WDPCP: variants seen among roughly 807,000 people sequenced by gnomAD.
WDPCP encodes WD repeat containing planar cell polarity effector, also known as WD repeat-containing and planar cell polarity effector protein fritz homolog.
Under a neutral mutation model 93.1 loss-of-function variants are expected in WDPCP, and 71 were observed. That is an observed-to-expected ratio of 0.76 (90% CI 0.63 to 0.93). The LOEUF is 0.93. WDPCP is among the 40% of genes least tolerant of loss of function. WDPCP has a pLI of 0.00. For synonymous variants in WDPCP, 315 were observed against 315.0 expected, an observed-to-expected ratio of 1.00 and a Z score of 0.00; for missense variants, 844 against 887.4, an observed-to-expected ratio of 0.95 and a Z score of 0.62.
intron 2 of WDPCP, among the ~76,000 whole-genome samples, chr2:63,758,595 C>A (rs1419034115): frequency 6.6e-6 from 1 of 152,050 alleles, no homozygotes; most frequent in Admixed American, 6.6e-5. Flanking sequence ...CATGCCACCA[C>A]GGCTGGCTAA....
intron 14 of WDPCP, among the ~76,000 whole-genome samples, chr2:63,243,468 A>G (rs539527586): frequency 6.6e-6 from 1 of 152,050 alleles, no homozygotes; most frequent in Admixed American, 6.6e-5. Flanking sequence ...CCCATTTTGT[A>G]GATTGCCTGT....
intron 1 of WDPCP, chr2:63,571,642 T>G (rs1189071882): frequency 2.1e-6 from 1 of 470,910 alleles, no homozygotes; most frequent in Non-Finnish European, 4.4e-6. Flanking sequence ...AAAGGATTAG[T>G]TCAATATGAC....
chr2:63,164,579 C>G (rs1672836579), intron 15 of WDPCP, among the ~76,000 whole-genome samples: 1 of 152,128 alleles, frequency 6.6e-6, no homozygotes, highest in Non-Finnish European at 1.5e-5. Context: ...AGAAACTGAG[C>G]AGATGCTAGC....
chr2:63,669,928 G>A (rs151167256), intron 2 of WDPCP, among the ~76,000 whole-genome samples: 4 of 152,116 alleles, frequency 2.6e-5, no homozygotes, highest in African/African-American at 9.6e-5. Context: ...GTGAACTCAG[G>A]GAAGTTTTTT....
intron 2 of WDPCP, among the ~76,000 whole-genome samples, chr2:63,691,107 C>A (rs1310738474): frequency 2.6e-5 from 4 of 152,164 alleles, no homozygotes; most frequent in Non-Finnish European, 5.9e-5. Context: ...TTGCTCTCAA[C>A]TAAATCTCAC....
At chr2:63,444,151 TG>T (rs1697686657) in intron 6 of WDPCP, among the ~76,000 whole-genome samples, 3 of 152,156 alleles carry the variant, frequency 2.0e-5, no homozygotes, top group Non-Finnish European at 2.9e-5. Context: ...GTCTGAGCTC[TG>T]GGACATTCTG....
intron 14 of WDPCP, among the ~76,000 whole-genome samples, chr2:63,224,538 T>C (rs1678115526): frequency 6.6e-6 from 1 of 151,922 alleles, no homozygotes; most frequent in South Asian, 2.1e-4. Context: ...ATTTAGATAA[T>C]GGAGTATTAT....
At chr2:63,125,975 C>G (rs1323832163) in intron 17 of WDPCP, among the ~76,000 whole-genome samples, 2 of 150,196 alleles carry the variant, frequency 1.3e-5, no homozygotes, top group Non-Finnish European at 3.0e-5. Flanking sequence ...CACTCTGTCA[C>G]CCAGGCTGGA....
chr2:63,622,637 C>T, intron 3 of WDPCP: 1 of 1,613,858 alleles, frequency 6.2e-7, no homozygotes, highest in Middle Eastern at 1.7e-4. Context: ...GTTGCTTGGC[C>T]CAGCGTGGCA....
intron 1 of WDPCP, among the ~76,000 whole-genome samples, chr2:63,581,247 G>A (rs147415046): frequency 3.6e-4 from 55 of 152,170 alleles, no homozygotes; most frequent in Admixed American, 2.1e-3. Flanking sequence ...GGAGTAGCCC[G>A]GCAAACTTGA....
chr2:63,453,050 A>T (rs1698368292), intron 6 of WDPCP, among the ~76,000 whole-genome samples: 1 of 152,246 alleles, frequency 6.6e-6, no homozygotes, highest in Non-Finnish European at 1.5e-5. Context: ...CTTCATGTCT[A>T]AAACGCCAAA....
intron 2 of WDPCP, among the ~76,000 whole-genome samples, chr2:63,798,877 G>A (rs952031990): frequency 1.3e-5 from 2 of 152,016 alleles, no homozygotes; most frequent in African/African-American, 2.4e-5. Flanking sequence ...TAAAGGAATG[G>A]AACAATATAT....
At chr2:63,749,132 T>G (rs929764790) in intron 2 of WDPCP, among the ~76,000 whole-genome samples, 26 of 152,106 alleles carry the variant, frequency 1.7e-4, no homozygotes, top group Non-Finnish European at 2.9e-5. Context: ...TTCCAGGTCA[T>G]GCTTACACTG....
At chr2:63,712,531 C>A (rs950490568) in intron 2 of WDPCP, among the ~76,000 whole-genome samples, 8 of 152,150 alleles carry the variant, frequency 5.3e-5, no homozygotes, top group African/African-American at 1.9e-4. Context: ...GAGATTGAGA[C>A]TTAAGGTTTT....
intron 6 of WDPCP, among the ~76,000 whole-genome samples, chr2:63,473,620 G>C (rs1274037586): frequency 1.3e-5 from 2 of 152,072 alleles, no homozygotes; most frequent in East Asian, 3.9e-4. Context: ...GTAAAGTCAG[G>C]TACCACATAG....
At chr2:63,271,887 A>C (rs1019192257) in intron 13 of WDPCP, among the ~76,000 whole-genome samples, 1 of 151,950 alleles carries the variant, frequency 6.6e-6, no homozygotes, top group African/African-American at 2.4e-5. Flanking sequence ...TGCTACAACC[A>C]CTGGTGCCAG....
chr2:63,632,589 T>C (rs262502), intron 3 of WDPCP, among the ~76,000 whole-genome samples: 109,442 of 152,016 alleles, frequency 0.72, 39,703 homozygotes, highest in East Asian at 0.98. Flanking sequence ...CAAAATGAAA[T>C]AGAGAGCATC....
intron 2 of WDPCP, among the ~76,000 whole-genome samples, chr2:63,802,993 G>A (rs1670717513): frequency 6.6e-6 from 1 of 152,130 alleles, no homozygotes; most frequent in Non-Finnish European, 1.5e-5. Flanking sequence ...TCATTTTGTA[G>A]TGAGCTCCTT....
At chr2:63,321,002 G>A (rs1225852001) in intron 12 of WDPCP, among the ~76,000 whole-genome samples, 1 of 151,870 alleles carries the variant, frequency 6.6e-6, no homozygotes, top group Admixed American at 6.6e-5. Flanking sequence ...ATATGAAAAG[G>A]CTAGAATGGC....
Sources: gnomAD v4.1 joint callset for allele counts (sites outside exome capture counted in the v4.1 genomes callset) on GRCh38, gnomAD v4.1.1 for gene constraint, MANE v1.5 for transcripts, NCBI Gene and HGNC (gene_info 2026-07-23, HGNC 2026-07-21) for gene names.